ALDH1L1: variants seen among roughly 807,000 people sequenced by gnomAD.
ALDH1L1 encodes aldehyde dehydrogenase 1 family member L1, also known as cytosolic 10-formyltetrahydrofolate dehydrogenase.
ALDH1L1 carries 68 observed loss-of-function variants against 101.1 expected under a neutral mutation model. The ratio of observed to expected loss-of-function variants is 0.67; its 90% CI spans 0.55 to 0.82. The LOEUF (loss-of-function observed/expected upper bound fraction) is 0.82, where lower values mean the gene tolerates loss of function less well. ALDH1L1 is among the 40% of genes least tolerant of loss of function. ALDH1L1 has a pLI of 0.00. For missense variants in ALDH1L1, 1,087 were observed against 1,172.7 expected, an observed-to-expected ratio of 0.93 and a Z score of 1.07; for synonymous variants, 486 against 470.8, an observed-to-expected ratio of 1.03 and a Z score of -0.42.
chr3:126,139,016 C>A (rs1227242486), intron 9 of ALDH1L1, among the ~76,000 whole-genome samples: 1 of 152,250 alleles, frequency 6.6e-6, no homozygotes, highest in Non-Finnish European at 1.5e-5. Context: ...CCACCTCCCA[C>A]CTCTGCCACA....
At chr3:126,194,970 G>A (rs2081574220) in intron 1 of ALDH1L1, among the ~76,000 whole-genome samples, 2 of 151,804 alleles carry the variant, frequency 1.3e-5, no homozygotes, top group African/African-American at 4.8e-5. Context: ...TTTCTGACTT[G>A]TCCTAAACAT....
chr3:126,161,131 G>T, intron 1 of ALDH1L1, 129 bp from the exon 2 acceptor site: 1 of 1,087,166 alleles, frequency 9.2e-7, no homozygotes, highest in Non-Finnish European at 1.3e-6. Flanking sequence ...CTCTGTGGGT[G>T]GCAGGCCACT....
intron 16 of ALDH1L1, 100 bp from the exon 17 acceptor site, chr3:126,118,198 C>T (rs1033569770): frequency 1.1e-6 from 1 of 926,368 alleles, no homozygotes; most frequent in Non-Finnish European, 1.7e-6. Flanking sequence ...GGGTCTGAGG[C>T]CCTCAAAATG....
chr3:126,137,740 T>C, intron 10 of ALDH1L1, 73 bp downstream of exon 10: 1 of 1,539,168 alleles, frequency 6.5e-7, no homozygotes, highest in African/African-American at 1.4e-5. Flanking sequence ...TTTCCCCTCT[T>C]GTCTTATGTA....
intron 9 of ALDH1L1, among the ~76,000 whole-genome samples, chr3:126,146,200 C>T (rs1054993781): frequency 5.9e-5 from 9 of 152,270 alleles, no homozygotes; most frequent in Admixed American, 5.2e-4. Context: ...GTTTCTTTCC[C>T]CAACCCTGGA....
intron 1 of ALDH1L1, among the ~76,000 whole-genome samples, chr3:126,178,397 A>G (rs201504156): frequency 3.0e-4 from 21 of 70,206 alleles, no homozygotes; most frequent in Non-Finnish European, 3.9e-4. Flanking sequence ...AAAAAAAAAG[A>G]AAAAAAAAAA....
At chr3:126,128,175 G>C (rs895327845) in intron 14 of ALDH1L1, among the ~76,000 whole-genome samples, 4 of 152,178 alleles carry the variant, frequency 2.6e-5, no homozygotes, top group Non-Finnish European at 5.9e-5. Flanking sequence ...CGAGGATTCC[G>C]AGTGGAGCAG....
At chr3:126,132,867 G>A (rs751994957) in intron 12 of ALDH1L1, among the ~76,000 whole-genome samples, 9 of 152,268 alleles carry the variant, frequency 5.9e-5, no homozygotes, top group South Asian at 2.1e-4. Flanking sequence ...TCTCTGCAGC[G>A]CCCAGCTCCA....
intron 8 of ALDH1L1, among the ~76,000 whole-genome samples, chr3:126,147,614 G>T (rs1208433875): frequency 1.3e-5 from 2 of 152,192 alleles, no homozygotes; most frequent in Non-Finnish European, 2.9e-5. Context: ...TGCTGGTGAG[G>T]CCCAGTGGGG....
intron 21 of ALDH1L1, among the ~76,000 whole-genome samples, chr3:126,106,622 G>A (rs959981342): frequency 6.6e-6 from 1 of 152,110 alleles, no homozygotes; most frequent in African/African-American, 2.4e-5. Flanking sequence ...CCTGGCCTCC[G>A]AAGGGAACCA....
intron 22 of ALDH1L1, 90 bp from the exon 23 acceptor site, chr3:126,103,936 G>T (rs1308247000): frequency 6.9e-7 from 1 of 1,453,240 alleles, no homozygotes; most frequent in Non-Finnish European, 9.4e-7. Flanking sequence ...GCAACCACGT[G>T]GGGGCAGCTC....
chr3:126,178,559 A>G (rs2081409273), intron 1 of ALDH1L1, among the ~76,000 whole-genome samples: 1 of 152,170 alleles, frequency 6.6e-6, no homozygotes, highest in Non-Finnish European at 1.5e-5. Context: ...AAATGAATCT[A>G]GCTCTATAGT....
At chr3:126,159,136 C>A (rs1422436322) in intron 2 of ALDH1L1, among the ~76,000 whole-genome samples, 6 of 152,198 alleles carry the variant, frequency 3.9e-5, no homozygotes, top group Non-Finnish European at 7.3e-5. Flanking sequence ...CTTCTTCATC[C>A]CAGTCACAGT....
chr3:126,119,770 C>G (rs1302845391), intron 16 of ALDH1L1, among the ~76,000 whole-genome samples: 3 of 152,146 alleles, frequency 2.0e-5, no homozygotes, highest in Admixed American at 6.5e-5. Context: ...AAAGAACTCT[C>G]AAAACTCAAC....
At chr3:126,123,635 C>CA (rs10652286) in intron 16 of ALDH1L1, among the ~76,000 whole-genome samples, 25,303 of 128,760 alleles carry the variant, frequency 0.2, 3,715 homozygotes, top group African/African-American at 0.41. Context: ...CAAAAAGCTG[C>CA]AAAAAAAAAA....
At chr3:126,180,689 G>A, upstream of ALDH1L1, 1 of 1,377,158 alleles carries the variant, frequency 7.3e-7, no homozygotes, top group Non-Finnish European at 9.4e-7. Context: ...ACCGGTGGTG[G>A]GACTATGGCG....
At chr3:126,105,065 T>A in intron 22 of ALDH1L1, 1 of 165,898 alleles carries the variant, frequency 6.0e-6, no homozygotes, top group Admixed American at 5.5e-5. Flanking sequence ...CTGGGGAGCC[T>A]GTGCTGTGTG....
chr3:126,117,884 G>A, intron 17 of ALDH1L1, 121 bp downstream of exon 17: 3 of 983,084 alleles, frequency 3.1e-6, no homozygotes, highest in Non-Finnish European at 3.1e-6. Context: ...AGCCCAGCAG[G>A]GCCACGGAAG....
At position 126,139,820 on chromosome 3, in the gene ALDH1L1, C is replaced by T. The variant is rs150246250; in HGVS notation, c.1077-1860G>A. Reference sequence around the variant, plus strand: ...AGGTTCAACAGTAGTTTTGAGCAGGCTGAAGGAAAGATGAGCAAACTTGAA... The same window carrying T: ...AGGTTCAACAGTAGTTTTGAGCAGGTTGAAGGAAAGATGAGCAAACTTGAA... On this transcript the variant is annotated intron_variant, in intron 9 of 22. Coordinates refer to ENST00000393434, the MANE Select transcript of ALDH1L1 (RefSeq NM_012190.4). Among the ~76,000 whole-genome samples the T allele has an allele frequency of 6.6e-5, 10 of 151,844 alleles. No individual in the cohort carries two copies. In the East Asian group the frequency reaches 1.9e-3, roughly 29 times the overall value.
Sources: allele counts gnomAD v4.1 joint callset (sites outside exome capture counted in the v4.1 genomes callset), GRCh38; gene constraint gnomAD v4.1.1; transcripts MANE v1.5; gene names NCBI Gene and HGNC (gene_info 2026-07-23, HGNC 2026-07-21).